Variants in NCALD observed in about 807,000 individuals in gnomAD.
The protein encoded by NCALD is neurocalcin delta, also known as neurocalcin-delta.
NCALD carries 10 observed loss-of-function variants against 18.6 expected under a neutral mutation model. That is an observed-to-expected ratio of 0.54 (90% CI 0.33 to 0.91). NCALD has a LOEUF of 0.91. Ranked by LOEUF, NCALD falls within the 40% of genes least tolerant of loss-of-function variation. NCALD has a pLI of 0.03. For synonymous variants in NCALD, 88 were observed against 87.4 expected, an observed-to-expected ratio of 1.01 and a Z score of -0.04; for missense variants, 184 against 247.6, an observed-to-expected ratio of 0.74 and a Z score of 1.72.
At chr8:101,882,419 G>T (rs1036202642) in intron 4 of NCALD, among the ~76,000 whole-genome samples, 1 of 152,132 alleles carries the variant, frequency 6.6e-6, no homozygotes, top group African/African-American at 2.4e-5. Context: ...CAGCGAGAAG[G>T]CACCATCTAC....
chr8:101,912,386 A>AT (rs1223840487), intron 3 of NCALD, among the ~76,000 whole-genome samples: 2 of 152,224 alleles, frequency 1.3e-5, no homozygotes, highest in East Asian at 3.8e-4. Context: ...TTGAGAACAT[A>AT]TTTTTGTGCA....
chr8:102,067,294 A>G (rs1432481016), intron 1 of NCALD, among the ~76,000 whole-genome samples: 8 of 152,346 alleles, frequency 5.3e-5, no homozygotes, highest in East Asian at 3.9e-4. Context: ...TTTTAAAACA[A>G]CAACTGAATC....
intron 1 of NCALD, among the ~76,000 whole-genome samples, chr8:101,727,474 A>G (rs1022152296): frequency 6.6e-6 from 1 of 151,998 alleles, no homozygotes; most frequent in Non-Finnish European, 1.5e-5. Flanking sequence ...AAATATTTTC[A>G]TTTTTTAGAG....
At chr8:102,081,639 A>G (rs1824542407) in intron 1 of NCALD, among the ~76,000 whole-genome samples, 1 of 151,210 alleles carries the variant, frequency 6.6e-6, no homozygotes. Context: ...CAATTCTCCC[A>G]TTAGTTCAGT....
intron 1 of NCALD, among the ~76,000 whole-genome samples, chr8:101,747,572 A>G (rs1439784615): frequency 6.6e-6 from 1 of 152,190 alleles, no homozygotes; most frequent in Non-Finnish European, 1.5e-5. Context: ...GTGGCAAGCC[A>G]AGGTTGGAGT....
chr8:101,988,840 G>GT (rs1213173667), intron 2 of NCALD, among the ~76,000 whole-genome samples: 1 of 148,280 alleles, frequency 6.7e-6, no homozygotes, highest in African/African-American at 2.5e-5. Flanking sequence ...GAAGAGCCCT[G>GT]TGGGTTGCAT....
Position 102,072,321 on chromosome 8 carries a change from C to T in NCALD, c.-210+51916G>A, listed in dbSNP as rs545229373. 4.6e-5 allele frequency among the ~76,000 whole-genome samples: 7 copies of T among 152,212 alleles called. No individual in the cohort carries two copies. In the South Asian group the frequency reaches 1.2e-3, roughly 27 times the overall value. ...GCTGGGGTGGATGGGAGGGGCAGCA[C>T]TCAGCAAGAGAATCACATTTAAAAC... On this transcript the variant is annotated intron_variant, in intron 1 of 6. Transcript: ENST00000311028.
chr8:101,894,836 A>G (rs1817088069), intron 3 of NCALD, among the ~76,000 whole-genome samples: 1 of 149,772 alleles, frequency 6.7e-6, no homozygotes, highest in South Asian at 2.1e-4. Flanking sequence ...CTCTGAATAG[A>G]CCAATAACAG....
intron 3 of NCALD, among the ~76,000 whole-genome samples, chr8:101,891,144 T>G (rs944841604): frequency 6.6e-6 from 1 of 152,200 alleles, no homozygotes; most frequent in African/African-American, 2.4e-5. Context: ...TGTAATTTTT[T>G]TTTTACATTT....
At chr8:101,816,931 C>G (rs1444938197) in intron 4 of NCALD, among the ~76,000 whole-genome samples, 1 of 152,084 alleles carries the variant, frequency 6.6e-6, no homozygotes, top group Admixed American at 6.6e-5. Context: ...TTCCTCTTAA[C>G]TTTGCTATAA....
chr8:101,914,917 T>C (rs1343557938), intron 3 of NCALD, among the ~76,000 whole-genome samples: 1 of 152,224 alleles, frequency 6.6e-6, no homozygotes, highest in Non-Finnish European at 1.5e-5. Flanking sequence ...AACAGGTATG[T>C]ATTGTTTGCT....
At chr8:102,045,693 C>T (rs1006680361) in intron 1 of NCALD, among the ~76,000 whole-genome samples, 5 of 152,064 alleles carry the variant, frequency 3.3e-5, no homozygotes, top group African/African-American at 1.2e-4. Context: ...CGCTGTATGC[C>T]CATACACGTA....
chr8:101,838,165 A>G (rs1031583031), intron 4 of NCALD, among the ~76,000 whole-genome samples: 1 of 152,234 alleles, frequency 6.6e-6, no homozygotes, highest in African/African-American at 2.4e-5. Context: ...CATGACAAAT[A>G]TAATATAGAT....
intron 2 of NCALD, among the ~76,000 whole-genome samples, chr8:101,917,423 G>A (rs1320880691): frequency 6.6e-6 from 1 of 151,830 alleles, no homozygotes; most frequent in East Asian, 1.9e-4. Context: ...CAAACCTAGA[G>A]GATCTAGAAA....
intron 1 of NCALD, among the ~76,000 whole-genome samples, chr8:102,077,649 TAG>T (rs1393077252): frequency 6.6e-6 from 1 of 152,144 alleles, no homozygotes; most frequent in Non-Finnish European, 1.5e-5. Context: ...CCCACAAACT[TAG>T]TAGACAGCAG....
Position 101,761,817 on chromosome 8 carries a change from G to T in NCALD, c.-20+29045C>A, listed in dbSNP as rs533225105. 2.6e-5 allele frequency among the ~76,000 whole-genome samples: 4 copies of T among 152,346 alleles called. No homozygotes were observed. The East Asian group carries it at 7.7e-4, about 29-fold the overall frequency. On this transcript the variant is annotated intron_variant, in intron 1 of 3. Transcript: ENST00000220931. ...GTGACTAAGTTCTGGCCAATCAGTT[G>T]TGAGTAGAAGTGAAATGTACAACTT... is the stretch of plus-strand genomic sequence containing the variant.
intron 2 of NCALD, among the ~76,000 whole-genome samples, chr8:101,972,610 G>C (rs1030432857): frequency 1.3e-5 from 2 of 152,140 alleles, no homozygotes; most frequent in African/African-American, 4.8e-5. Flanking sequence ...TCATTACTAA[G>C]GGCATTTTTG....
intron 2 of NCALD, among the ~76,000 whole-genome samples, chr8:101,953,718 A>G (rs1441071499): frequency 6.6e-6 from 1 of 152,268 alleles, no homozygotes; most frequent in Non-Finnish European, 1.5e-5. Flanking sequence ...TAAGATGATC[A>G]TGTGGATTTT....
At chr8:102,011,495 A>G (rs1004919844) in intron 2 of NCALD, among the ~76,000 whole-genome samples, 2 of 152,222 alleles carry the variant, frequency 1.3e-5, no homozygotes, top group African/African-American at 4.8e-5. Flanking sequence ...CTTCTTTGTT[A>G]AGACCAAGGG....
Sources: gnomAD v4.1 joint callset for allele counts (sites outside exome capture counted in the v4.1 genomes callset) on GRCh38, gnomAD v4.1.1 for gene constraint, MANE v1.5 for transcripts, NCBI Gene and HGNC (gene_info 2026-07-23, HGNC 2026-07-21) for gene names.